Variants in LRRC40 observed in about 807,000 individuals in gnomAD.
The protein encoded by LRRC40 is leucine-rich repeat-containing protein 40.
A neutral mutation model predicts 72.8 loss-of-function variants in LRRC40; 76 were observed. The observed-to-expected ratio is 1.04, with a 90% CI of 0.87 to 1.26. The LOEUF is 1.26. Ranked by LOEUF, LRRC40 falls within the 50% of genes most tolerant of loss-of-function variation. LRRC40 has a pLI of 0.00. For missense variants in LRRC40, 684 were observed against 698.9 expected (o/e 0.98, Z 0.24); for synonymous variants, 243 against 254.2 (o/e 0.96, Z 0.42).
chr1:70,176,426 G>A (rs896470437), intron 6 of LRRC40, among the ~76,000 whole-genome samples: 1 of 151,528 alleles, frequency 6.6e-6, no homozygotes, highest in Non-Finnish European at 1.5e-5. Context: ...CAGCTACTCA[G>A]GAGGCTGCGG....
At chr1:70,172,233 C>T (rs773329417) in intron 9 of LRRC40, among the ~76,000 whole-genome samples, 11 of 152,130 alleles carry the variant, frequency 7.2e-5, no homozygotes, top group Non-Finnish European at 1.3e-4. Flanking sequence ...GCTTTGATCA[C>T]AGTTCTCTAG....
At chr1:70,182,178 A>C (rs1668260884) in intron 4 of LRRC40, among the ~76,000 whole-genome samples, 1 of 151,968 alleles carries the variant, frequency 6.6e-6, no homozygotes, top group Admixed American at 6.6e-5. Context: ...ATAATCTACA[A>C]CATACAACAT....
intron 1 of LRRC40, among the ~76,000 whole-genome samples, chr1:70,190,927 T>C (rs1668487077): frequency 6.6e-6 from 1 of 152,082 alleles, no homozygotes; most frequent in African/African-American, 2.4e-5. Flanking sequence ...TTTACCATTC[T>C]TGACTGATTT....
intron 1 of LRRC40, among the ~76,000 whole-genome samples, chr1:70,199,426 T>C (rs1055627938): frequency 6.6e-6 from 1 of 152,140 alleles, no homozygotes; most frequent in Admixed American, 6.6e-5. Flanking sequence ...AAAAACAAAG[T>C]ACAGTTTATC....
chr1:70,145,798 T>C lies in LRRC40; in HGVS notation c.*2A>G. On this transcript the variant is annotated 3_prime_UTR_variant, in exon 15 of 15. Coordinates refer to ENST00000370952, the MANE Select transcript of LRRC40 (RefSeq NM_017768.5). Reference sequence around the variant, plus strand: ...TGACAAGGGTTATAAAGCAACTCCATGTTAAGTAGGAATTCGGTCTCTCAA... The same window carrying C: ...TGACAAGGGTTATAAAGCAACTCCACGTTAAGTAGGAATTCGGTCTCTCAA... 2 of 1,527,176 alleles carry C rather than the reference T, an allele frequency of 1.3e-6. No homozygotes were observed. The highest frequency in any genetic ancestry group is 2.7e-5 in the African/African-American group (2 of 73,260). 94.6% of individuals were successfully genotyped at this position (1,527,176 alleles called of 1,614,324 possible).
At chr1:70,204,879 T>C (rs535162700) in intron 1 of LRRC40, among the ~76,000 whole-genome samples, 93 of 152,248 alleles carry the variant, frequency 6.1e-4, no homozygotes, top group Non-Finnish European at 9.9e-4. Flanking sequence ...TCTATCCTGA[T>C]CTTCAACTTA....
rs777833565 is a variant in LRRC40, at chr1:70,184,830, G to A, written c.492C>T (p.Thr164=). Residue 164 remains threonine, a synonymous_variant, in exon 4 of 15, where the codon ACC becomes ACT. Transcript: ENST00000370952. ...KCLYLQHNEL[T]CISEGFEQLS... is the part of the protein sequence containing the mutation. ...GTTGTTCAAATCCCTCTGATATGCA[G>A]GTTAATTCATTATGCTGGAGATACA... 1 of 1,612,004 alleles carries A rather than the reference G, an allele frequency of 6.2e-7. No individual in the cohort carries two copies. Among genetic ancestry groups the A allele is most frequent in the South Asian group, 1.1e-5 (1 of 90,752 alleles).
intron 10 of LRRC40, 55 bp downstream of exon 10, chr1:70,159,275 G>T: frequency 1.3e-6 from 1 of 759,166 alleles, no homozygotes. Context: ...ACCAGCCTGG[G>T]CAACACAGTA....
At chr1:70,163,167 C>T (rs1240022521) in intron 9 of LRRC40, among the ~76,000 whole-genome samples, 1 of 151,880 alleles carries the variant, frequency 6.6e-6, no homozygotes, top group Middle Eastern at 3.2e-3. Context: ...CCTCCGACTC[C>T]CTGGTTCAAG....
At chr1:70,183,430 ACT>A (rs1408532263) in intron 4 of LRRC40, among the ~76,000 whole-genome samples, 3 of 151,704 alleles carry the variant, frequency 2.0e-5, no homozygotes, top group Non-Finnish European at 4.4e-5. Context: ...AGATGGATAC[ACT>A]TTGGAGTTAA....
intron 1 of LRRC40, among the ~76,000 whole-genome samples, chr1:70,200,351 A>G (rs1668709392): frequency 6.6e-6 from 1 of 152,080 alleles, no homozygotes; most frequent in Admixed American, 6.6e-5. Context: ...CTGTGGTCCT[A>G]GCTATTCAGG....
At chr1:70,177,908 C>A (rs1462753837) in intron 6 of LRRC40, among the ~76,000 whole-genome samples, 2 of 152,188 alleles carry the variant, frequency 1.3e-5, no homozygotes, top group Non-Finnish European at 2.9e-5. Context: ...AACACGAGGA[C>A]AATGAAGATG....
intron 4 of LRRC40, among the ~76,000 whole-genome samples, chr1:70,183,060 G>T (rs1668280779): frequency 6.6e-6 from 1 of 151,988 alleles, no homozygotes; most frequent in Non-Finnish European, 1.5e-5. Flanking sequence ...ATCTACCTAT[G>T]CCTTTTACTT....
chr1:70,201,937 A>C (rs1409778435), intron 1 of LRRC40, among the ~76,000 whole-genome samples: 1 of 152,198 alleles, frequency 6.6e-6, no homozygotes, highest in Non-Finnish European at 1.5e-5. Flanking sequence ...AGATCACGCC[A>C]TTGCACTCCA....
At chr1:70,196,539 G>A (rs1397935921) in intron 1 of LRRC40, among the ~76,000 whole-genome samples, 1 of 151,450 alleles carries the variant, frequency 6.6e-6, no homozygotes, top group Non-Finnish European at 1.5e-5. Flanking sequence ...AACAGAGGGA[G>A]ACACTGTCTC....
Position 70,180,976 on chromosome 1 carries a change from C to CT in LRRC40, c.661+109dup, listed in dbSNP as rs1193650468. ...TAGTTGCTATTGTTTGCATTTACCA[C>CT]TATAAAAATCTACTACTTTAGTTCT... On this transcript the variant is annotated intron_variant, in intron 5 of 14. Coordinates refer to ENST00000370952, the MANE Select transcript of LRRC40 (RefSeq NM_017768.5). 5.4e-6 allele frequency: 4 copies of CT among 746,526 alleles called. No homozygotes were observed. The East Asian group carries it at 1.3e-4, about 25-fold the overall frequency. The allele number at this position is 746,526 out of a possible 1,614,324, so 46.2% of individuals were successfully genotyped here. A position where few individuals can be genotyped will look rare whatever the true frequency, so the allele number is the denominator to read the frequency against.
chr1:70,152,333 T>C, intron 12 of LRRC40, 100 bp downstream of exon 12: 1 of 653,658 alleles, frequency 1.5e-6, no homozygotes, highest in East Asian at 2.8e-5. Flanking sequence ...CCAGTTTCCA[T>C]ACATACCTAG....
At chr1:70,190,152 T>C (rs746235920) in intron 1 of LRRC40, among the ~76,000 whole-genome samples, 5 of 152,116 alleles carry the variant, frequency 3.3e-5, no homozygotes, top group South Asian at 2.1e-4. Flanking sequence ...TCGGTAAAAG[T>C]AGAACTACAT....
At chr1:70,160,611 C>T (rs1667735300) in intron 9 of LRRC40, among the ~76,000 whole-genome samples, 1 of 151,976 alleles carries the variant, frequency 6.6e-6, no homozygotes, top group Admixed American at 6.6e-5. Flanking sequence ...GCAACAAAAT[C>T]CAGCATTGTT....
Sources: gnomAD v4.1 joint callset for allele counts (sites outside exome capture counted in the v4.1 genomes callset) on GRCh38, gnomAD v4.1.1 for gene constraint, MANE v1.5 for transcripts, NCBI Gene and HGNC (gene_info 2026-07-23, HGNC 2026-07-21) for gene names.